The following SGCD variants were observed in gnomAD, a reference collection of about 807,000 sequenced individuals.
SGCD encodes delta-sarcoglycan.
A neutral mutation model predicts 36.6 loss-of-function variants in SGCD; 18 were observed. The observed-to-expected ratio is 0.49, with a 90% confidence interval of 0.34 to 0.73. The LOEUF is 0.73. Among genes scored for constraint, SGCD ranks in the 30% least tolerant of loss-of-function variants. The pLI, the probability that SGCD is intolerant of heterozygous loss-of-function variation, is 0.01. For missense variants in SGCD, 387 were observed against 346.7 expected, an observed-to-expected ratio of 1.12 and a Z score of -0.92; for synonymous variants, 133 against 130.6, an observed-to-expected ratio of 1.02 and a Z score of -0.12.
intron 3 of SGCD, among the ~76,000 whole-genome samples, chr5:156,189,584 C>A (rs1763841553): frequency 6.6e-6 from 1 of 151,958 alleles, no homozygotes; most frequent in Non-Finnish European, 1.5e-5. Context: ...GGGACCTCGG[C>A]CAAAGGCTTG....
intron 3 of SGCD, among the ~76,000 whole-genome samples, chr5:156,158,763 G>T (rs919943436): frequency 2.0e-5 from 3 of 151,536 alleles, no homozygotes; most frequent in Non-Finnish European, 4.4e-5. Context: ...CAGGCACTTA[G>T]AATTAGGTAG....
At chr5:155,743,162 C>T in the SGCD span, among the ~76,000 whole-genome samples, 3 of 152,100 alleles carry the variant, frequency 2.0e-5, no homozygotes, top group Admixed American at 2.0e-4. Context: ...ATCAACTCAG[C>T]CTCTCTCATC....
intron 3 of SGCD, among the ~76,000 whole-genome samples, chr5:156,286,715 C>A (rs183781865): frequency 5.3e-5 from 8 of 152,100 alleles, no homozygotes; most frequent in African/African-American, 1.9e-4. Flanking sequence ...GGAGATATAT[C>A]TAATGTTACA....
chr5:155,807,847 T>C, the SGCD span, among the ~76,000 whole-genome samples: 45 of 152,258 alleles, frequency 3.0e-4, 1 homozygote, highest in Admixed American at 2.5e-3. Context: ...GAGAGGATAG[T>C]TTTCTTTTCT....
intron 1 of SGCD, among the ~76,000 whole-genome samples, chr5:155,945,916 A>G (rs572742917): frequency 6.6e-6 from 1 of 152,250 alleles, no homozygotes; most frequent in South Asian, 2.1e-4. Flanking sequence ...ATGTGAGGGA[A>G]CCAGTTCAAG....
chr5:155,991,548 C>A (rs1358209606), intron 1 of SGCD, among the ~76,000 whole-genome samples: 3 of 152,046 alleles, frequency 2.0e-5, no homozygotes, highest in African/African-American at 7.2e-5. Context: ...GAATTGTGAT[C>A]AAGATAATTT....
At chr5:156,459,358 A>C (rs889541787) in intron 3 of SGCD, among the ~76,000 whole-genome samples, 1 of 152,184 alleles carries the variant, frequency 6.6e-6, no homozygotes, top group Non-Finnish European at 1.5e-5. Context: ...TTAAATCCTT[A>C]AAACAGGACT....
At chr5:155,831,037 T>A in the SGCD span, among the ~76,000 whole-genome samples, 3 of 152,224 alleles carry the variant, frequency 2.0e-5, no homozygotes, top group Non-Finnish European at 4.4e-5. Flanking sequence ...GATTTAGCCT[T>A]TCAATAAGCC....
Position 155,920,334 on chromosome 5 carries a change from G to C in SGCD, c.-282+49910G>C, listed in dbSNP as rs952862859. On this transcript the variant is annotated intron_variant, in intron 1 of 9. Coordinates refer to the SGCD transcript ENST00000517913. Reference sequence around the variant, plus strand: ...AGGATGAGTCCCAGATATCTGACTTGAGCAACTAGAAGGATGATGGTGTGG... The same window carrying C: ...AGGATGAGTCCCAGATATCTGACTTCAGCAACTAGAAGGATGATGGTGTGG... Among the ~76,000 whole-genome samples the C allele has an allele frequency of 2.0e-5, 3 of 152,162 alleles. No individual in the cohort carries two copies. In the South Asian group the frequency reaches 6.2e-4, roughly 32 times the overall value.
chr5:156,297,852 G>T (rs1766940249), intron 3 of SGCD, among the ~76,000 whole-genome samples: 1 of 151,558 alleles, frequency 6.6e-6, no homozygotes, highest in Admixed American at 6.6e-5. Context: ...ACCCTGTTGT[G>T]CTATCAAATA....
At chr5:156,476,228 G>A (rs552355702) in intron 3 of SGCD, among the ~76,000 whole-genome samples, 58 of 152,306 alleles carry the variant, frequency 3.8e-4, no homozygotes, top group African/African-American at 1.3e-3. Flanking sequence ...AACCTCCAGT[G>A]CAGTTCTGGG....
At chr5:156,070,134 C>T (rs1327313233) in intron 1 of SGCD, among the ~76,000 whole-genome samples, 2 of 148,744 alleles carry the variant, frequency 1.3e-5, no homozygotes, top group Non-Finnish European at 2.9e-5. Flanking sequence ...CCTTCTCCTG[C>T]CTCATTGCCC....
chr5:155,839,291 T>C, the SGCD span, among the ~76,000 whole-genome samples: 2,055 of 152,350 alleles, frequency 0.013, 57 homozygotes, highest in African/African-American at 0.047. Flanking sequence ...TTTTAGGAGC[T>C]AGACTTAGAT....
At position 156,071,549 on chromosome 5, in the gene SGCD, A is replaced by C. The variant is rs1295659224; in HGVS notation, c.-281-46329A>C. On this transcript the variant is annotated intron_variant, in intron 1 of 9. Coordinates refer to the SGCD transcript ENST00000517913. ...ATTTGCTGAGGAGAGCTTTACTTCC[A>C]ACTATGTGGTCAGTTTTGGAATAGG... 7.9e-5 allele frequency among the ~76,000 whole-genome samples: 12 copies of C among 152,272 alleles called. No individual in the cohort carries two copies. The South Asian group carries it at 1.7e-3, about 21-fold the overall frequency.
At chr5:156,141,273 G>A (rs755302568) in intron 3 of SGCD, among the ~76,000 whole-genome samples, 6 of 151,116 alleles carry the variant, frequency 4.0e-5, no homozygotes, top group African/African-American at 7.4e-5. Context: ...TAACAAACAC[G>A]AGACCGGGTC....
chr5:155,815,443 A>T, the SGCD span, among the ~76,000 whole-genome samples: 1 of 152,238 alleles, frequency 6.6e-6, no homozygotes, highest in Non-Finnish European at 1.5e-5. Flanking sequence ...AGGTTATCAC[A>T]TATATGTCAA....
chr5:156,407,877 A>G lies in SGCD; in HGVS notation c.192+63200A>G, dbSNP rs146053945. On this transcript the variant is annotated intron_variant, in intron 3 of 8. Coordinates refer to ENST00000337851, the MANE Select transcript of SGCD (RefSeq NM_000337.6). ...GTGTTCAGGGGATTGGTTTTAAGAC[A>G]TTCCACTCCCAAAGCTCATTTTTAC... Among the ~76,000 whole-genome samples, 22 of 152,298 alleles carry G rather than the reference A, an allele frequency of 1.4e-4. 1 individual carries two copies. In the East Asian group the frequency reaches 4.3e-3, roughly 29 times the overall value.
At chr5:155,986,800 T>C (rs1581028344) in intron 1 of SGCD, among the ~76,000 whole-genome samples, 1 of 152,166 alleles carries the variant, frequency 6.6e-6, no homozygotes, top group South Asian at 2.1e-4. Context: ...GCTGACCCTT[T>C]AAAGTGCATC....
upstream of SGCD, chr5:156,326,864 A>T (rs7724969): frequency 0.19 from 28,969 of 152,414 alleles, 2,853 homozygotes; most frequent in Middle Eastern, 0.27. Flanking sequence ...GGTTGTGAGT[A>T]TGAGCCCGGC....
Sources: gnomAD v4.1 joint callset for allele counts (sites outside exome capture counted in the v4.1 genomes callset) on GRCh38, gnomAD v4.1.1 for gene constraint, MANE v1.5 for transcripts, NCBI Gene and HGNC (gene_info 2026-07-23, HGNC 2026-07-21) for gene names.